Variants in TCEA1 observed in about 807,000 individuals in gnomAD.
TCEA1 encodes transcription elongation factor A1.
TCEA1 carries 21 observed loss-of-function variants against 43.8 expected under a neutral mutation model. The observed-to-expected ratio is 0.48, with a 90% confidence interval of 0.34 to 0.69. The LOEUF (loss-of-function observed/expected upper bound fraction) is 0.69. TCEA1 is among the 30% of genes least tolerant of loss of function. TCEA1 has a pLI of 0.01. For synonymous variants in TCEA1, 104 were observed against 117.5 expected (o/e 0.88, Z 0.75); for missense variants, 250 against 365.1 (o/e 0.68, Z 2.57).
chr8:53,986,766 T>C (rs1163785111), intron 6 of TCEA1, among the ~76,000 whole-genome samples: 1 of 152,160 alleles, frequency 6.6e-6, no homozygotes, highest in Non-Finnish European at 1.5e-5. Context: ...TACAATGGAA[T>C]CCCAGCCCTG....
Position 53,992,879 on chromosome 8 carries a change from AG to A in TCEA1, c.320+788del, listed in dbSNP as rs1303181784. 4.6e-5 allele frequency among the ~76,000 whole-genome samples: 7 copies of A among 152,242 alleles called. No individual in the cohort carries two copies. The East Asian group carries it at 1.4e-3, about 29-fold the overall frequency. ...ATATAATAGGAAAGAACACATGCAA[AG>A]GCCTCATAGGAGGTGAGGGACAATC... On this transcript the variant is annotated intron_variant, in intron 4 of 9. Coordinates refer to ENST00000521604, the MANE Select transcript of TCEA1 (RefSeq NM_006756.4).
At chr8:54,008,853 A>AT (rs1214827346) in intron 2 of TCEA1, among the ~76,000 whole-genome samples, 590 of 140,264 alleles carry the variant, frequency 4.2e-3, no homozygotes, top group African/African-American at 7.9e-3. Context: ...TTATTTATTT[A>AT]TTTTTTTTTT....
chr8:53,979,238 G>A (rs938642800), intron 7 of TCEA1, 67 bp from the exon 8 acceptor site: 2 of 1,420,474 alleles, frequency 1.4e-6, no homozygotes. Context: ...ATGCTTTTAT[G>A]CTCAATTAGC....
chr8:54,014,577 A>G (rs1479886457), intron 1 of TCEA1, among the ~76,000 whole-genome samples: 1 of 152,248 alleles, frequency 6.6e-6, no homozygotes, highest in Admixed American at 6.5e-5. Flanking sequence ...CTACTGGCTG[A>G]AAGATAAACT....
At chr8:53,988,332 T>A in intron 4 of TCEA1, 73 bp from the exon 5 acceptor site, 6 of 1,517,556 alleles carry the variant, frequency 4.0e-6, no homozygotes, top group South Asian at 1.3e-5. Flanking sequence ...ACTATCATGC[T>A]GTAAAAACAA....
At chr8:53,975,276 T>G (rs1369759858) in intron 8 of TCEA1, among the ~76,000 whole-genome samples, 1 of 152,180 alleles carries the variant, frequency 6.6e-6, no homozygotes, top group African/African-American at 2.4e-5. Flanking sequence ...AACAAAATAC[T>G]GGTAATTGTT....
At chr8:53,977,044 G>A (rs28620338) in intron 8 of TCEA1, among the ~76,000 whole-genome samples, 5,774 of 152,316 alleles carry the variant, frequency 0.038, 369 homozygotes, top group African/African-American at 0.13. Flanking sequence ...CAAAGGCTGG[G>A]CGTGGTGGCT....
chr8:53,973,541 G>GAAA, intron 8 of TCEA1: 1 of 521,320 alleles, frequency 1.9e-6, no homozygotes, highest in Middle Eastern at 3.8e-4. Flanking sequence ...TCCAGAAGAA[G>GAAA]AAACCAAAAT....
chr8:54,006,813 T>A (rs1804480097), intron 2 of TCEA1, among the ~76,000 whole-genome samples: 1 of 152,176 alleles, frequency 6.6e-6, no homozygotes, highest in Non-Finnish European at 1.5e-5. Flanking sequence ...TCTTACTTTC[T>A]CTTTCTGGGG....
At chr8:53,973,915 C>T (rs1803244054) in intron 8 of TCEA1, 2 of 251,010 alleles carry the variant, frequency 8.0e-6, no homozygotes, top group East Asian at 2.6e-4. Flanking sequence ...TGGCTCACGC[C>T]TATAATCCCA....
chr8:53,990,370 T>C (rs1013065133), intron 4 of TCEA1, among the ~76,000 whole-genome samples: 3 of 150,272 alleles, frequency 2.0e-5, no homozygotes, highest in African/African-American at 4.9e-5. Context: ...CTTTTTTTTT[T>C]TTTTTTTCTT....
intron 6 of TCEA1, among the ~76,000 whole-genome samples, chr8:53,985,699 A>C (rs1031305783): frequency 1.3e-5 from 2 of 152,052 alleles, no homozygotes; most frequent in African/African-American, 4.8e-5. Context: ...AGCCACCTAG[A>C]TGCTCCCTGC....
At chr8:53,988,022 G>A in intron 5 of TCEA1, 92 bp downstream of exon 5, 1 of 1,485,316 alleles carries the variant, frequency 6.7e-7, no homozygotes, top group Non-Finnish European at 9.0e-7. Flanking sequence ...TATCCACAGG[G>A]TAACACTCAT....
At chr8:54,001,171 G>T (rs776242299) in intron 2 of TCEA1, among the ~76,000 whole-genome samples, 2 of 151,902 alleles carry the variant, frequency 1.3e-5, no homozygotes, top group Admixed American at 6.6e-5. Flanking sequence ...GCCCAAATAT[G>T]GATGATAAAT....
intron 9 of TCEA1, among the ~76,000 whole-genome samples, chr8:53,969,420 G>A (rs1409191713): frequency 6.6e-6 from 1 of 152,008 alleles, no homozygotes; most frequent in Non-Finnish European, 1.5e-5. Context: ...GTTCATTTCT[G>A]ATTTTCAGAA....
intron 2 of TCEA1, among the ~76,000 whole-genome samples, chr8:54,008,677 CAGT>C (rs1350095908): frequency 7.0e-6 from 1 of 142,130 alleles, no homozygotes; most frequent in Non-Finnish European, 1.5e-5. Flanking sequence ...AAAAAAAAAA[CAGT>C]GGGCAAAGAA....
chr8:54,010,399 TAA>T, intron 2 of TCEA1, 29 bp downstream of exon 2: 1 of 1,554,392 alleles, frequency 6.4e-7, no homozygotes, highest in Non-Finnish European at 8.7e-7. Flanking sequence ...GACTACCTAT[TAA>T]AAAAACTTTG....
intron 3 of TCEA1, chr8:53,999,706 C>T (rs1009734454): frequency 9.8e-6 from 4 of 406,406 alleles, no homozygotes; most frequent in African/African-American, 8.2e-5. Context: ...ATTCTTCTTA[C>T]TGAAAGAGTT....
rs1388970361 is a variant in TCEA1 at position 53,967,612 on chromosome 8, A to T, written c.*492T>A. The T allele has an allele frequency of 3.0e-5, 6 of 201,858 alleles. No individual in the cohort carries two copies. In the East Asian group the frequency reaches 4.8e-4, roughly 16 times the overall value. The allele number at this position is 201,858 out of a possible 1,614,324, so 12.5% of individuals were successfully genotyped here. A position where few individuals can be genotyped will look rare whatever the true frequency, so the allele number is the denominator to read the frequency against. ...GCTACCTCAAAATTATGTACATTTTAGATAAGCTGGTCAAGTATTATTTGA... is the reference window on the plus strand; with the variant it reads ...GCTACCTCAAAATTATGTACATTTTTGATAAGCTGGTCAAGTATTATTTGA... On this transcript the variant is annotated 3_prime_UTR_variant, in exon 10 of 10. Transcript: ENST00000521604.
Sources: gnomAD v4.1 joint callset for allele counts (sites outside exome capture counted in the v4.1 genomes callset) on GRCh38, gnomAD v4.1.1 for gene constraint, MANE v1.5 for transcripts, NCBI Gene and HGNC (gene_info 2026-07-23, HGNC 2026-07-21) for gene names.